Variants in NELL1 observed in about 807,000 individuals in gnomAD.
The protein encoded by NELL1 is neural EGFL like 1, also known as protein kinase C-binding protein NELL1.
A neutral mutation model predicts 107.4 loss-of-function variants in NELL1; 76 were observed. The observed-to-expected ratio is 0.71, with a 90% CI of 0.59 to 0.86. The LOEUF (loss-of-function observed/expected upper bound fraction) is 0.86. NELL1 is among the 40% of genes least tolerant of loss of function. The probability of loss-of-function intolerance (pLI) is 0.00; values close to 1 mark genes in which losing one functional copy is unlikely to be tolerated. For synonymous variants in NELL1, 353 were observed against 341.2 expected, an observed-to-expected ratio of 1.03 and a Z score of -0.38; for missense variants, 1,024 against 1,005.5, an observed-to-expected ratio of 1.02 and a Z score of -0.25.
chr11:20,699,292 A>G (rs1300347751), intron 2 of NELL1, among the ~76,000 whole-genome samples: 1 of 152,116 alleles, frequency 6.6e-6, no homozygotes, highest in Non-Finnish European at 1.5e-5. Flanking sequence ...TGTGAATGCC[A>G]TTATTTCTTT....
intron 15 of NELL1, among the ~76,000 whole-genome samples, chr11:21,417,389 T>A (rs139489027): frequency 0.019 from 2,832 of 152,188 alleles, 52 homozygotes; most frequent in Non-Finnish European, 0.027. Context: ...CAAAGTTGTT[T>A]ATATTTTTCA....
At chr11:21,090,961 C>T (rs1854507031) in intron 12 of NELL1, among the ~76,000 whole-genome samples, 1 of 152,194 alleles carries the variant, frequency 6.6e-6, no homozygotes, top group African/African-American at 2.4e-5. Context: ...GCCTAGGAAA[C>T]TTAACTTTTC....
intron 14 of NELL1, among the ~76,000 whole-genome samples, chr11:21,276,502 C>T (rs1848865283): frequency 6.6e-6 from 1 of 152,142 alleles, no homozygotes; most frequent in Non-Finnish European, 1.5e-5. Flanking sequence ...AGTGCCATCA[C>T]CATCAAGCTA....
chr11:21,316,491 A>T (rs1318874754), intron 14 of NELL1, among the ~76,000 whole-genome samples: 1 of 152,136 alleles, frequency 6.6e-6, no homozygotes. Flanking sequence ...TTAGTGTCAC[A>T]GTTATGGTGG....
intron 13 of NELL1, among the ~76,000 whole-genome samples, chr11:21,136,357 T>C (rs1349160070): frequency 1.3e-5 from 2 of 152,144 alleles, no homozygotes; most frequent in African/African-American, 4.8e-5. Context: ...TGGGCCATGG[T>C]AAGGGGTTTA....
chr11:21,118,360 AC>A (rs1244253709), intron 13 of NELL1, among the ~76,000 whole-genome samples: 2 of 152,032 alleles, frequency 1.3e-5, no homozygotes, highest in African/African-American at 4.8e-5. Context: ...CCTTCATTAG[AC>A]GCTTTCATAG....
At chr11:21,539,167 A>G (rs1402924564) in intron 16 of NELL1, among the ~76,000 whole-genome samples, 1 of 152,048 alleles carries the variant, frequency 6.6e-6, no homozygotes, top group Admixed American at 6.6e-5. Context: ...TTGTCTGATC[A>G]CCTGCCATGT....
intron 13 of NELL1, among the ~76,000 whole-genome samples, chr11:21,175,225 G>T (rs80250065): frequency 2.0e-5 from 3 of 151,606 alleles, no homozygotes; most frequent in Admixed American, 6.6e-5. Context: ...GCCAGTAACC[G>T]CATTAACACC....
chr11:20,887,710 C>T lies in NELL1; in HGVS notation c.603+2170C>T, dbSNP rs1160487797. ...ACTTGAAGGGTTGCAGACTTGACAC[C>T]CAGATTTACTTTACCCATGAAGCTC... is the stretch of plus-strand genomic sequence containing the variant. On this transcript the variant is annotated intron_variant, in intron 5 of 19. Coordinates refer to ENST00000357134, the MANE Select transcript of NELL1 (RefSeq NM_006157.5). 2.6e-5 allele frequency among the ~76,000 whole-genome samples: 4 copies of T among 152,032 alleles called. No homozygotes were observed. The South Asian group carries it at 8.3e-4, about 32-fold the overall frequency.
At chr11:21,092,232 T>G (rs1854538459) in intron 12 of NELL1, among the ~76,000 whole-genome samples, 1 of 152,108 alleles carries the variant, frequency 6.6e-6, no homozygotes, top group Admixed American at 6.6e-5. Context: ...AAAATATTCA[T>G]GGTTAGTAGA....
intron 12 of NELL1, among the ~76,000 whole-genome samples, chr11:21,037,135 C>T (rs2134325619): frequency 6.6e-6 from 1 of 152,138 alleles, no homozygotes; most frequent in South Asian, 2.1e-4. Context: ...TGTTTTATAT[C>T]TTCAGGGTTC....
At position 21,353,359 on chromosome 11, in the gene NELL1, A is replaced by G. The variant is rs537570085; in HGVS notation, c.1550-17494A>G. Among the ~76,000 whole-genome samples the G allele has an allele frequency of 1.5e-3, 230 of 152,294 alleles. 1 individual carries two copies. Among genetic ancestry groups the G allele is most frequent in the Middle Eastern group, 6.8e-3 (2 of 294 alleles). ...ATCCCAACTTGAAGAAGAGGTATTC[A>G]TTTCACAAGTGAGGAAACTGAGGCA... On this transcript the variant is annotated intron_variant, in intron 14 of 19. Coordinates refer to ENST00000357134, the MANE Select transcript of NELL1 (RefSeq NM_006157.5).
At chr11:21,448,091 T>C (rs1853484560) in intron 15 of NELL1, among the ~76,000 whole-genome samples, 1 of 152,174 alleles carries the variant, frequency 6.6e-6, no homozygotes, top group South Asian at 2.1e-4. Context: ...GTGGAGGCAT[T>C]AGCAATTCAA....
At chr11:21,494,468 A>G (rs1196827658) in intron 15 of NELL1, among the ~76,000 whole-genome samples, 3 of 152,060 alleles carry the variant, frequency 2.0e-5, no homozygotes, top group Admixed American at 6.6e-5. Context: ...TTATTCCTTC[A>G]CATTTTAAAA....
At chr11:21,304,524 A>G (rs1849566525) in intron 14 of NELL1, among the ~76,000 whole-genome samples, 1 of 151,704 alleles carries the variant, frequency 6.6e-6, no homozygotes, top group South Asian at 2.1e-4. Context: ...CTTAGGGCTG[A>G]ACCAACTAAT....
chr11:21,113,989 G>A (rs569731116), intron 13 of NELL1, among the ~76,000 whole-genome samples: 24 of 152,040 alleles, frequency 1.6e-4, no homozygotes, highest in African/African-American at 5.3e-4. Context: ...GTAACACTGA[G>A]GGAGTTAGAT....
intron 13 of NELL1, among the ~76,000 whole-genome samples, chr11:21,226,748 GAT>G (rs1197795086): frequency 6.6e-6 from 1 of 152,150 alleles, no homozygotes; most frequent in Non-Finnish European, 1.5e-5. Context: ...AAGAGGTAAA[GAT>G]ATTAAATTTT....
At chr11:21,245,908 C>T (rs1858478667) in intron 14 of NELL1, among the ~76,000 whole-genome samples, 1 of 152,130 alleles carries the variant, frequency 6.6e-6, no homozygotes, top group Non-Finnish European at 1.5e-5. Flanking sequence ...AAGGATCCTG[C>T]TCAATGCACA....
chr11:21,225,739 T>TTAG (rs755089816), intron 13 of NELL1, among the ~76,000 whole-genome samples: 6 of 152,082 alleles, frequency 3.9e-5, no homozygotes, highest in South Asian at 2.1e-4. Context: ...ATTAGTAGAA[T>TTAG]TAGTAGTAGT....
Sources: gnomAD v4.1 joint callset for allele counts (sites outside exome capture counted in the v4.1 genomes callset) on GRCh38, gnomAD v4.1.1 for gene constraint, MANE v1.5 for transcripts, NCBI Gene and HGNC (gene_info 2026-07-23, HGNC 2026-07-21) for gene names.